The following NLRP5 variants were observed in gnomAD, a reference collection of about 807,000 sequenced individuals.
NLRP5 encodes the protein NLR family pyrin domain containing 5.
Under a neutral mutation model 113.1 loss-of-function variants are expected in NLRP5, and 93 were observed. That is an observed-to-expected ratio of 0.82 (90% CI 0.70 to 0.98). The LOEUF is 0.98. NLRP5 is among the 50% of genes least tolerant of loss of function. The pLI, the probability that NLRP5 is intolerant of heterozygous loss-of-function variation, is 0.00. For missense variants in NLRP5, 1,808 were observed against 1,514.3 expected (o/e 1.19, Z -3.22); for synonymous variants, 751 against 600.7 (o/e 1.25, Z -3.66).
intron 3 of NLRP5, among the ~76,000 whole-genome samples, chr19:56,012,425 G>A (rs966091808): frequency 6.7e-6 from 1 of 148,752 alleles, no homozygotes; most frequent in Non-Finnish European, 1.5e-5. Flanking sequence ...TGAGATTACA[G>A]GCATGAGCCA....
At chr19:56,055,550 T>TTTTTTTA (rs1421246938) in intron 13 of NLRP5, among the ~76,000 whole-genome samples, 7 of 123,660 alleles carry the variant, frequency 5.7e-5, no homozygotes, top group African/African-American at 2.0e-4. Context: ...TTTTTTTTTT[T>TTTTTTTA]TTTTTTTTTT....
At chr19:56,001,174 T>A (rs1293341185) in intron 1 of NLRP5, among the ~76,000 whole-genome samples, 32 of 117,554 alleles carry the variant, frequency 2.7e-4, no homozygotes, top group Non-Finnish European at 5.1e-4. Flanking sequence ...TTTTTTTTTT[T>A]AAAGGCCTGG....
chr19:56,032,259 C>T lies in NLRP5; in HGVS notation c.2277-352C>T, dbSNP rs57081079. Among the ~76,000 whole-genome samples the T allele has an allele frequency of 3.3e-3, 480 of 146,846 alleles. 2 individuals carry two copies. The highest frequency in any genetic ancestry group is 0.01 in the African/African-American group (421 of 40,140). ...ACTCGGGAGGCTGAGGCAGGAGAAT[C>T]GCTCGAACCCAGGAGGCAGAAGTTG... On this transcript the variant is annotated intron_variant, in intron 7 of 14. Coordinates refer to ENST00000390649, the MANE Select transcript of NLRP5 (RefSeq NM_153447.4).
chr19:55,987,312 G>T, the NLRP5 span, among the ~76,000 whole-genome samples: 4 of 152,236 alleles, frequency 2.6e-5, no homozygotes, highest in African/African-American at 4.8e-5. Flanking sequence ...AGAGGTTGCA[G>T]TGAGCCAAGG....
At chr19:56,048,808 T>C (rs916466407) in intron 11 of NLRP5, among the ~76,000 whole-genome samples, 1 of 151,900 alleles carries the variant, frequency 6.6e-6, no homozygotes, top group Non-Finnish European at 1.5e-5. Flanking sequence ...CACCCAAATA[T>C]GTTTTCCAGG....
Position 56,037,714 on chromosome 19 carries a change from A to AAAAAAAAAAG in NLRP5, c.2616-311_2616-310insAAAAAAAAAG, listed in dbSNP as rs200215825. ...GTCTCAAAAAAAAAAAAAAAAAAAA[A>AAAAAAAAAAG]TGTTGGCTGGGGTGGGTTGCTATGA... On this transcript the variant is annotated intron_variant, in intron 9 of 14. Coordinates refer to ENST00000390649, the MANE Select transcript of NLRP5 (RefSeq NM_153447.4). Among the ~76,000 whole-genome samples, 10 of 131,668 alleles carry AAAAAAAAAAG rather than the reference A, an allele frequency of 7.6e-5. 1 individual carries two copies. Among genetic ancestry groups the AAAAAAAAAAG allele is most frequent in the South Asian group, 4.8e-4 (2 of 4,174 alleles). The allele number at this position is 131,668 out of a possible 152,430, so 86.4% of individuals were successfully genotyped here.
intron 13 of NLRP5, among the ~76,000 whole-genome samples, chr19:56,054,696 A>G (rs936481815): frequency 6.6e-6 from 1 of 152,168 alleles, no homozygotes; most frequent in African/African-American, 2.4e-5. Flanking sequence ...AAAATACCCA[A>G]AACAGTCAAG....
chr19:56,061,703 G>A lies in NLRP5; in HGVS notation c.*175G>A, dbSNP rs971334774. 1.4e-6 allele frequency: 1 copy of A among 690,200 alleles called. No homozygotes were observed. Among genetic ancestry groups the A allele is most frequent in the East Asian group, 2.7e-5 (1 of 36,622 alleles). 42.8% of individuals were successfully genotyped at this position (690,200 alleles called of 1,614,324 possible). On this transcript the variant is annotated 3_prime_UTR_variant, in exon 15 of 15. Transcript: ENST00000390649. ...TGTGTTCACTCTACGTTGGTTACTG[G>A]ATTTGAAGGCTAGAGACCTTCAAGT...
At chr19:55,987,852 CA>C in the NLRP5 span, 1 of 1,614,076 alleles carries the variant, frequency 6.2e-7, no homozygotes, top group South Asian at 1.1e-5. Context: ...AGCTTCTCCC[CA>C]ACTCCTCACC....
intron 11 of NLRP5, among the ~76,000 whole-genome samples, chr19:56,050,196 C>T (rs1258080745): frequency 6.6e-6 from 1 of 151,018 alleles, no homozygotes; most frequent in African/African-American, 2.4e-5. Context: ...AGCAGAATCT[C>T]TTGTGTCCAG....
At chr19:56,024,429 AC>A (rs750526200) in intron 6 of NLRP5, among the ~76,000 whole-genome samples, 9,977 of 145,660 alleles carry the variant, frequency 0.068, 417 homozygotes, top group African/African-American at 0.1. Context: ...TGTTATATAT[AC>A]ACATATACAT....
At position 56,032,776 on chromosome 19, in the gene NLRP5, C is replaced by G; in HGVS notation, c.2442C>G (p.Thr814=). ...GGCATCCCACCTGCAAGATACAGAC[C>G]CTGATGTAAGGCTGCCCGCCCCCTA... is the stretch of plus-strand genomic sequence containing the variant. The change falls in exon 8 of 15, where the codon ACC becomes ACG. Residue 814 remains threonine, a synonymous_variant. Coordinates refer to ENST00000390649, the MANE Select transcript of NLRP5 (RefSeq NM_153447.4). 6.2e-7 allele frequency: 1 copy of G among 1,607,068 alleles called. No homozygotes were observed. Among genetic ancestry groups the G allele is most frequent in the Non-Finnish European group, 8.5e-7 (1 of 1,176,970 alleles).
chr19:55,997,032 C>A (rs867612220), upstream of NLRP5, among the ~76,000 whole-genome samples: 1 of 152,166 alleles, frequency 6.6e-6, no homozygotes, highest in South Asian at 2.1e-4. Flanking sequence ...ACCATTCTAA[C>A]TGGTGTGGGA....
rs771305395 is a variant in NLRP5, at chr19:56,032,703, G to A, written c.2369G>A (p.Ser790Asn). The A allele has an allele frequency of 2.7e-5, 43 of 1,613,550 alleles. No homozygotes were observed. Among genetic ancestry groups the A allele is most frequent in the Non-Finnish European group, 3.6e-5 (43 of 1,179,834 alleles). The change falls in exon 8 of 15, where the codon AGC becomes AAC. Residue 790 changes from serine (S) to asparagine (N), a missense_variant. Physicochemically the swap from Ser to Asn is conservative, Grantham distance 46 (BLOSUM62 1). Coordinates refer to ENST00000390649, the MANE Select transcript of NLRP5 (RefSeq NM_153447.4). The stretch of plus-strand genomic sequence containing the variant: ...CACCTGCGGCAGCTGGACCTGGGCA[G>A]CAGCATCCTGACAGAGCGGGCCATG...
In NLRP5 at chr19:56,015,767, T is replaced by TA; in HGVS notation, c.535dup (p.Ser179LysfsTer53). 1 of 1,573,382 alleles carries TA rather than the reference T, an allele frequency of 6.4e-7. No individual in the cohort carries two copies. Among genetic ancestry groups the TA allele is most frequent in the Non-Finnish European group, 8.6e-7 (1 of 1,157,702 alleles). On this transcript the variant is annotated frameshift_variant, in exon 4 of 15. Coordinates refer to ENST00000390649, the MANE Select transcript of NLRP5 (RefSeq NM_153447.4). LOFTEE classifies it high-confidence loss of function. ...GAATTTCACAAGCTGTGCAACAAGA[T>TA]AGTGCCACAGCTGCAGAGACAAAAG...
chr19:56,019,221 T>A lies in NLRP5; in HGVS notation c.566-121T>A, dbSNP rs1982523204. ...TCTGTCTTCTAGCTGAGACAGTGGT[T>A]GCCATGTTTTCAACTGGCCAGAAAA... On this transcript the variant is annotated intron_variant, in intron 4 of 14. Coordinates refer to ENST00000390649, the MANE Select transcript of NLRP5 (RefSeq NM_153447.4). 4 of 1,119,140 alleles carry A rather than the reference T, an allele frequency of 3.6e-6. No individual in the cohort carries two copies. The Admixed American group carries it at 6.4e-5, about 18-fold the overall frequency. The allele number at this position is 1,119,140 out of a possible 1,614,324, so 69.3% of individuals were successfully genotyped here.
At chr19:56,055,728 G>A (rs1219195142) in intron 13 of NLRP5, among the ~76,000 whole-genome samples, 1 of 151,072 alleles carries the variant, frequency 6.6e-6, no homozygotes, top group Non-Finnish European at 1.5e-5. Context: ...TGTATTTTTA[G>A]TAGAGACGGG....
intron 1 of NLRP5, among the ~76,000 whole-genome samples, chr19:56,001,717 C>G (rs1981658987): frequency 6.6e-6 from 1 of 152,096 alleles, no homozygotes; most frequent in Non-Finnish European, 1.5e-5. Flanking sequence ...GGTGACATGA[C>G]AAGACTTTAC....
chr19:56,033,472 A>T, intron 8 of NLRP5, 70 bp from the exon 9 acceptor site: 1 of 1,214,332 alleles, frequency 8.2e-7, no homozygotes. Context: ...TGGGAGAAGG[A>T]TGGGAAGGAA....
Sources: allele counts gnomAD v4.1 joint callset (sites outside exome capture counted in the v4.1 genomes callset), GRCh38; gene constraint gnomAD v4.1.1; transcripts MANE v1.5; gene names NCBI Gene and HGNC (gene_info 2026-07-23, HGNC 2026-07-21).